Variants in EXOC5 observed in about 807,000 individuals in gnomAD.
The protein encoded by EXOC5 is exocyst complex component 5, also known as SEC10-like 1.
EXOC5 carries 17 observed loss-of-function variants against 90.8 expected under a neutral mutation model. That is an observed-to-expected ratio of 0.19 (90% CI 0.13 to 0.28). The LOEUF is 0.28. Among genes scored for constraint, EXOC5 ranks in the 10% least tolerant of loss-of-function variants. The probability of loss-of-function intolerance (pLI) is 1.00; values close to 1 mark genes in which losing one functional copy is unlikely to be tolerated. For missense variants in EXOC5, 569 were observed against 830.6 expected (o/e 0.69, Z 3.87); for synonymous variants, 260 against 270.0 (o/e 0.96, Z 0.36).
At position 57,217,821 on chromosome 14, in the gene EXOC5, A is replaced by T. The variant is rs538867365; in HGVS notation, c.1613+161T>A. Among the ~76,000 whole-genome samples, 5 of 152,182 alleles carry T rather than the reference A, an allele frequency of 3.3e-5. No homozygotes were observed. In the South Asian group the frequency reaches 1.0e-3, roughly 32 times the overall value. The stretch of plus-strand genomic sequence containing the variant: ...AACTTCAGGATCCAATAAAAACAAC[A>T]CTCTAATAAGGATGAAGGCAATATG... On this transcript the variant is annotated intron_variant, in intron 15 of 17. Transcript: ENST00000621441.
chr14:57,255,838 CAAAA>C (rs1258346261), intron 1 of EXOC5, among the ~76,000 whole-genome samples: 2 of 59,898 alleles, frequency 3.3e-5, no homozygotes, highest in Non-Finnish European at 3.8e-5. Context: ...TCTCCAAAAG[CAAAA>C]AAAAAAAAAA....
rs1468021067 is a variant in EXOC5, at chr14:57,242,213, T to TTTTTTG, written c.465+1946_465+1951dup. On this transcript the variant is annotated intron_variant, in intron 4 of 17. Coordinates refer to ENST00000621441, the MANE Select transcript of EXOC5 (RefSeq NM_006544.4). ...ACAGAGGTAAACACATAATAGGGTTTTTTTTGTTTTTGTTTTTGTTTTCAG... is the reference window on the plus strand; with the variant it reads ...ACAGAGGTAAACACATAATAGGGTTTTTTTTGTTTTTGTTTTTGTTTTTGTTTTCAG... 9.9e-5 allele frequency among the ~76,000 whole-genome samples: 15 copies of TTTTTTG among 152,116 alleles called. No individual in the cohort carries two copies. In the South Asian group the frequency reaches 3.1e-3, roughly 31 times the overall value.
intron 1 of EXOC5, among the ~76,000 whole-genome samples, chr14:57,256,011 C>G (rs962192585): frequency 6.6e-6 from 1 of 152,128 alleles, no homozygotes; most frequent in East Asian, 1.9e-4. Context: ...CTTGGGATCC[C>G]TGTAACTCTA....
At chr14:57,262,577 C>G (rs552922296) in intron 1 of EXOC5, among the ~76,000 whole-genome samples, 75 of 136,604 alleles carry the variant, frequency 5.5e-4, no homozygotes, top group Admixed American at 3.6e-3. Flanking sequence ...TATATATATA[C>G]GTATATATAT....
chr14:57,228,856 A>G (rs1174303300), intron 12 of EXOC5, among the ~76,000 whole-genome samples: 4 of 151,734 alleles, frequency 2.6e-5, no homozygotes, highest in Non-Finnish European at 4.4e-5. Context: ...AAAGTATAAA[A>G]AAAAAAAAAA....
At chr14:57,233,925 T>C (rs746949747) in intron 8 of EXOC5, 42 bp from the exon 9 acceptor site, 1 of 1,599,450 alleles carries the variant, frequency 6.3e-7, no homozygotes, top group Admixed American at 1.7e-5. Flanking sequence ...ATATAATTTC[T>C]ACATGATTTT....
Position 57,209,752 on chromosome 14 carries a change from T to C in EXOC5, c.1753A>G (p.Lys585Glu), listed in dbSNP as rs1231119505. The change falls in exon 17 of 18, where the codon AAA becomes GAA. Residue 585 changes from lysine to glutamate, a missense_variant. Physicochemically the swap from Lys to Glu is moderately conservative, Grantham distance 56. Transcript: ENST00000621441. Reference sequence around the variant, plus strand: ...GAATTTTTAATCTTCTCCACTTGTTTTCTTACGTAAGCACAGACTTTTACA... The same window carrying C: ...GAATTTTTAATCTTCTCCACTTGTTCTCTTACGTAAGCACAGACTTTTACA... ...ACVKVCAYVR[K>E]QVEKIKNSMD... is the part of the protein sequence containing the mutation. 1 of 1,611,938 alleles carries C rather than the reference T, an allele frequency of 6.2e-7. No individual in the cohort carries two copies. Among genetic ancestry groups the C allele is most frequent in the Non-Finnish European group, 8.5e-7 (1 of 1,178,816 alleles).
At chr14:57,219,503 G>A in intron 13 of EXOC5, 61 bp from the exon 14 acceptor site, 4 of 1,333,712 alleles carry the variant, frequency 3.0e-6, no homozygotes, top group Non-Finnish European at 3.0e-6. Context: ...CTTGGCAACA[G>A]AAAAAAAGAA....
rs1399447403 is a variant in EXOC5 at position 57,206,487 on chromosome 14, G to A, written c.*2122C>T. On this transcript the variant is annotated 3_prime_UTR_variant, in exon 18 of 18. Coordinates refer to ENST00000621441, the MANE Select transcript of EXOC5 (RefSeq NM_006544.4). Reference sequence around the variant, plus strand: ...TAAAAAAGAAAATGAGAAGACCTGTGCTGTGAAAAATTTTAAAAATCTCAA... The same window carrying A: ...TAAAAAAGAAAATGAGAAGACCTGTACTGTGAAAAATTTTAAAAATCTCAA... 2.0e-5 allele frequency: 3 copies of A among 151,416 alleles called. No individual in the cohort carries two copies. Among genetic ancestry groups the A allele is most frequent in the Non-Finnish European group, 4.4e-5 (3 of 67,766 alleles). The allele number at this position is 151,416 out of a possible 1,614,324, so 9.4% of individuals were successfully genotyped here.
Position 57,203,483 on chromosome 14 carries a change from G to C in EXOC5, c.*5126C>G, listed in dbSNP as rs1475828279. 3 of 152,530 alleles carry C rather than the reference G, an allele frequency of 2.0e-5. No individual in the cohort carries two copies. The highest frequency in any genetic ancestry group is 2.9e-5 in the Non-Finnish European group (2 of 68,032). The allele number at this position is 152,530 out of a possible 1,614,324, so 9.4% of individuals were successfully genotyped here. On this transcript the variant is annotated 3_prime_UTR_variant, in exon 18 of 18. Transcript: ENST00000621441. ...TAGTTTATTAACATAAAGATAACTGGAAGGGATACGACACTTTCTTCATTT... is the reference window on the plus strand; with the variant it reads ...TAGTTTATTAACATAAAGATAACTGCAAGGGATACGACACTTTCTTCATTT...
At chr14:57,226,153 G>A (rs1016330080) in intron 12 of EXOC5, among the ~76,000 whole-genome samples, 5 of 152,112 alleles carry the variant, frequency 3.3e-5, no homozygotes, top group African/African-American at 1.2e-4. Context: ...ACATTGCCAA[G>A]GTGAAATTCA....
intron 1 of EXOC5, among the ~76,000 whole-genome samples, chr14:57,253,910 G>A (rs1259926922): frequency 6.6e-6 from 1 of 152,092 alleles, no homozygotes; most frequent in Non-Finnish European, 1.5e-5. Flanking sequence ...AGAAAATACA[G>A]GGTAAAGCTT....
Position 57,210,067 on chromosome 14 carries a change from G to A in EXOC5, c.1614-6C>T. 7.3e-7 allele frequency: 1 copy of A among 1,370,670 alleles called. No homozygotes were observed. Among genetic ancestry groups the A allele is most frequent in the Non-Finnish European group, 1.0e-6 (1 of 964,150 alleles). 84.9% of individuals were successfully genotyped at this position (1,370,670 alleles called of 1,614,324 possible). A position where few individuals can be genotyped will look rare whatever the true frequency, so the allele number is the denominator to read the frequency against. ...CAATCATACAATTTAATGTCCTAGA[G>A]AATTGAGAATACAACATTCTTTAAC... On this transcript the variant is annotated splice_region_variant and splice_polypyrimidine_tract_variant and intron_variant, in intron 15 of 17. Transcript: ENST00000621441.
intron 12 of EXOC5, among the ~76,000 whole-genome samples, chr14:57,228,237 G>C (rs142627081): frequency 1.3e-5 from 2 of 152,234 alleles, no homozygotes; most frequent in African/African-American, 4.8e-5. Flanking sequence ...AAATAGGAAT[G>C]CTTCTACACT....
chr14:57,236,471 A>G (rs1294783038), intron 6 of EXOC5, among the ~76,000 whole-genome samples: 1 of 151,860 alleles, frequency 6.6e-6, no homozygotes, highest in African/African-American at 2.4e-5. Context: ...TTTTTAATAG[A>G]GACGGGGTTT....
At chr14:57,238,405 CACACAT>C (rs1175326321) in intron 5 of EXOC5, among the ~76,000 whole-genome samples, 10 of 148,918 alleles carry the variant, frequency 6.7e-5, no homozygotes, top group African/African-American at 2.4e-4. Flanking sequence ...CACACACACA[CACACAT>C]ATTCATATTC....
chr14:57,243,121 G>A (rs1210615824), intron 4 of EXOC5: 1 of 152,080 alleles, frequency 6.6e-6, no homozygotes, highest in African/African-American at 2.4e-5. Flanking sequence ...GGGGAATAAG[G>A]GGTACAAGAC....
intron 9 of EXOC5, 55 bp downstream of exon 9, chr14:57,233,688 G>T: frequency 1.8e-6 from 2 of 1,100,658 alleles, no homozygotes; most frequent in South Asian, 1.6e-5. Context: ...AAAATATAGG[G>T]AAAAAATTAC....
At chr14:57,239,104 G>A (rs931958556) in intron 5 of EXOC5, among the ~76,000 whole-genome samples, 2 of 152,070 alleles carry the variant, frequency 1.3e-5, no homozygotes, top group African/African-American at 4.8e-5. Context: ...ATAGGCTAGA[G>A]TCTAAAACTC....
Sources: gnomAD v4.1 joint callset for allele counts (sites outside exome capture counted in the v4.1 genomes callset) on GRCh38, gnomAD v4.1.1 for gene constraint, MANE v1.5 for transcripts, NCBI Gene and HGNC (gene_info 2026-07-23, HGNC 2026-07-21) for gene names.